CNOT10: variants seen among roughly 807,000 people sequenced by gnomAD.
CNOT10 encodes CCR4-NOT transcription complex subunit 10, also known as CCR4-NOT transcription complex, subunit 10.
A neutral mutation model predicts 94.6 loss-of-function variants in CNOT10; 30 were observed. That is an observed-to-expected ratio of 0.32 (90% CI 0.24 to 0.43). The LOEUF (loss-of-function observed/expected upper bound fraction) is 0.43. Ranked by LOEUF, CNOT10 falls within the 20% of genes least tolerant of loss-of-function variation. The pLI, the probability that CNOT10 is intolerant of heterozygous loss-of-function variation, is 1.00. For synonymous variants in CNOT10, 289 were observed against 301.6 expected (o/e 0.96, Z 0.43); for missense variants, 759 against 877.2 (o/e 0.87, Z 1.70).
intron 18 of CNOT10, 61 bp from the exon 19 acceptor site, chr3:32,773,395 CT>C: frequency 6.7e-7 from 1 of 1,503,118 alleles, no homozygotes; most frequent in Non-Finnish European, 9.0e-7. Flanking sequence ...ATTTTCATGT[CT>C]TGCTTTGTGT....
rs1173513009 is a variant in CNOT10, at chr3:32,757,170, A to ATTTTTT, written c.1596-2267_1596-2262dup. Among the ~76,000 whole-genome samples the ATTTTTT allele has an allele frequency of 5.7e-3, 448 of 78,290 alleles. 82 individuals are homozygous for ATTTTTT. Among genetic ancestry groups the ATTTTTT allele is most frequent in the African/African-American group, 0.021 (377 of 18,020 alleles). The allele number at this position is 78,290 out of a possible 152,430, so 51.4% of individuals were successfully genotyped here. A position where few individuals can be genotyped will look rare whatever the true frequency, so the allele number is the denominator to read the frequency against. On this transcript the variant is annotated intron_variant, in intron 13 of 18. Transcript: ENST00000328834. ...TGTCATTCACATAGGCCCTGAACTAATTTTTTTTTTTTTTTTTTTTTTTTT... is the reference window on the plus strand; with the variant it reads ...TGTCATTCACATAGGCCCTGAACTAATTTTTTTTTTTTTTTTTTTTTTTTTTTTTTT...
intron 13 of CNOT10, among the ~76,000 whole-genome samples, chr3:32,750,691 A>G (rs1287085267): frequency 1.3e-5 from 2 of 151,796 alleles, no homozygotes; most frequent in African/African-American, 2.4e-5. Context: ...AGCTGGGATT[A>G]TAGGCATGCA....
At chr3:32,723,213 G>A (rs992351287) in intron 8 of CNOT10, among the ~76,000 whole-genome samples, 4 of 151,934 alleles carry the variant, frequency 2.6e-5, no homozygotes, top group Non-Finnish European at 2.9e-5. Context: ...CTAACACGGT[G>A]AAACCCCGTC....
At chr3:32,767,519 CAAA>C (rs10687739) in intron 17 of CNOT10, among the ~76,000 whole-genome samples, 4 of 105,594 alleles carry the variant, frequency 3.8e-5, no homozygotes, top group African/African-American at 3.7e-5. Flanking sequence ...AACTCTGTCT[CAAA>C]AAAAAAAAAA....
chr3:32,742,506 T>G (rs1294006658), intron 13 of CNOT10, among the ~76,000 whole-genome samples: 1 of 152,002 alleles, frequency 6.6e-6, no homozygotes, highest in Non-Finnish European at 1.5e-5. Flanking sequence ...CTCAGCCTCC[T>G]GAGTAGCTGA....
At chr3:32,753,302 G>C (rs896129864) in intron 13 of CNOT10, 7 of 932,592 alleles carry the variant, frequency 7.5e-6, no homozygotes, top group Non-Finnish European at 1.2e-5. Flanking sequence ...AGAATCTGAT[G>C]TGTGGACTCA....
intron 4 of CNOT10, among the ~76,000 whole-genome samples, chr3:32,709,314 AAAG>A (rs1247262452): frequency 3.9e-5 from 6 of 152,230 alleles, no homozygotes; most frequent in African/African-American, 9.6e-5. Context: ...GCAAAGGAAA[AAAG>A]AAGAGCAAAG....
intron 8 of CNOT10, 70 bp from the exon 9 acceptor site, chr3:32,725,380 C>A: frequency 8.4e-7 from 1 of 1,183,730 alleles, no homozygotes; most frequent in Non-Finnish European, 1.3e-6. Context: ...GCAAGATGAG[C>A]CCAATTCTTG....
chr3:32,731,118 C>T (rs1698926278), intron 10 of CNOT10: 1 of 152,162 alleles, frequency 6.6e-6, no homozygotes, highest in Non-Finnish European at 1.5e-5. Context: ...GAAAAGAAGT[C>T]AGAACGGAAG....
At chr3:32,747,958 C>A (rs953768108) in intron 13 of CNOT10, among the ~76,000 whole-genome samples, 1 of 151,234 alleles carries the variant, frequency 6.6e-6, no homozygotes, top group Admixed American at 6.6e-5. Flanking sequence ...ACGCTCCCCC[C>A]ACCTCCAAAA....
intron 14 of CNOT10, 125 bp from the exon 15 acceptor site, chr3:32,762,608 T>C: frequency 1.0e-6 from 1 of 995,042 alleles, no homozygotes; most frequent in Non-Finnish European, 1.4e-6. Flanking sequence ...TAGATTTCAA[T>C]TTAAGGACAT....
At chr3:32,772,134 A>C (rs1481368339) in intron 18 of CNOT10, among the ~76,000 whole-genome samples, 1 of 152,156 alleles carries the variant, frequency 6.6e-6, no homozygotes, top group Non-Finnish European at 1.5e-5. Context: ...GCAGATCATG[A>C]GGTCAGGAGA....
chr3:32,747,751 C>G (rs1380909771), intron 13 of CNOT10, among the ~76,000 whole-genome samples: 1 of 152,118 alleles, frequency 6.6e-6, no homozygotes, highest in Non-Finnish European at 1.5e-5. Context: ...AGATGGAGAC[C>G]ATCCTGGCCA....
At chr3:32,738,360 A>G (rs1699287044) in intron 13 of CNOT10, among the ~76,000 whole-genome samples, 1 of 152,160 alleles carries the variant, frequency 6.6e-6, no homozygotes, top group Non-Finnish European at 1.5e-5. Flanking sequence ...TAAGTATTTG[A>G]TAGAATGCAC....
chr3:32,714,706 C>T (rs558799978), intron 5 of CNOT10, among the ~76,000 whole-genome samples: 1 of 152,250 alleles, frequency 6.6e-6, no homozygotes, highest in East Asian at 1.9e-4. Context: ...AAGACTCAAA[C>T]TCAAAAATAA....
intron 13 of CNOT10, among the ~76,000 whole-genome samples, chr3:32,739,388 C>G (rs1006666029): frequency 1.3e-5 from 2 of 152,060 alleles, no homozygotes; most frequent in African/African-American, 4.8e-5. Context: ...TTATTTTGCT[C>G]TTTTTTTAAC....
intron 12 of CNOT10, among the ~76,000 whole-genome samples, chr3:32,736,738 C>T (rs1699204354): frequency 6.6e-6 from 1 of 152,078 alleles, no homozygotes; most frequent in Non-Finnish European, 1.5e-5. Flanking sequence ...TCATGCCACA[C>T]TGCACTCCAG....
At chr3:32,718,420 T>C (rs1698221540) in intron 7 of CNOT10, among the ~76,000 whole-genome samples, 1 of 149,856 alleles carries the variant, frequency 6.7e-6, no homozygotes, top group South Asian at 2.1e-4. Flanking sequence ...CCATCTCTAC[T>C]AAAAATACAA....
At chr3:32,704,434 CAGA>C (rs1697518118) in intron 2 of CNOT10, among the ~76,000 whole-genome samples, 1 of 152,072 alleles carries the variant, frequency 6.6e-6, no homozygotes, top group African/African-American at 2.4e-5. Flanking sequence ...TGCATGTAAG[CAGA>C]AGAACTTGAT....
Sources: gnomAD v4.1 joint callset for allele counts (sites outside exome capture counted in the v4.1 genomes callset) on GRCh38, gnomAD v4.1.1 for gene constraint, MANE v1.5 for transcripts, NCBI Gene and HGNC (gene_info 2026-07-23, HGNC 2026-07-21) for gene names.